B3GLCT: variants seen among roughly 807,000 people sequenced by gnomAD.
B3GLCT encodes the protein beta 3-glucosyltransferase.
B3GLCT carries 65 observed loss-of-function variants against 63.4 expected under a neutral mutation model. The observed-to-expected ratio is 1.03, with a 90% CI of 0.84 to 1.26. The LOEUF is 1.26. Ranked by LOEUF, B3GLCT falls within the 50% of genes most tolerant of loss-of-function variation. The pLI, the probability that B3GLCT is intolerant of heterozygous loss-of-function variation, is 0.00. For missense variants in B3GLCT, 577 were observed against 604.8 expected (o/e 0.95, Z 0.48); for synonymous variants, 233 against 219.2 (o/e 1.06, Z -0.55).
chr13:31,253,126 G>A (rs555587830), intron 6 of B3GLCT, among the ~76,000 whole-genome samples: 4 of 152,098 alleles, frequency 2.6e-5, no homozygotes, highest in South Asian at 2.1e-4. Context: ...GGTAAATAAC[G>A]AAACGAAAGC....
intron 12 of B3GLCT, among the ~76,000 whole-genome samples, chr13:31,292,627 G>A (rs1873726604): frequency 6.6e-6 from 1 of 151,134 alleles, no homozygotes; most frequent in African/African-American, 2.4e-5. Flanking sequence ...TCTGATGGTA[G>A]TTTGTATTTC....
At chr13:31,258,374 T>C (rs1871847719) in intron 6 of B3GLCT, among the ~76,000 whole-genome samples, 1 of 152,206 alleles carries the variant, frequency 6.6e-6, no homozygotes, top group East Asian at 1.9e-4. Flanking sequence ...AACTTCATGT[T>C]GGCATGACCA....
intron 2 of B3GLCT, among the ~76,000 whole-genome samples, chr13:31,222,580 A>G (rs1236123078): frequency 6.6e-6 from 1 of 152,218 alleles, no homozygotes; most frequent in African/African-American, 2.4e-5. Flanking sequence ...CTATCCTCTG[A>G]TATGTTCCTA....
intron 12 of B3GLCT, among the ~76,000 whole-genome samples, chr13:31,316,407 T>TTTTA (rs1239451482): frequency 1.7e-4 from 7 of 40,866 alleles, no homozygotes; most frequent in South Asian, 1.2e-3. Context: ...TTTGGAGGTT[T>TTTTA]TATATATATA....
intron 10 of B3GLCT, among the ~76,000 whole-genome samples, chr13:31,283,871 A>G (rs539608058): frequency 6.6e-6 from 1 of 152,342 alleles, no homozygotes; most frequent in South Asian, 2.1e-4. Context: ...TTCTATTGAA[A>G]AAACAAGAAA....
At chr13:31,320,219 G>T (rs140877128) in intron 13 of B3GLCT, among the ~76,000 whole-genome samples, 3 of 152,310 alleles carry the variant, frequency 2.0e-5, no homozygotes, top group Non-Finnish European at 4.4e-5. Flanking sequence ...TTCTCCAAGA[G>T]TGTGAACCTT....
chr13:31,284,565 G>A lies in B3GLCT; in HGVS notation c.851-83G>A, dbSNP rs570447557. 236 of 801,028 alleles carry A rather than the reference G, an allele frequency of 2.9e-4. No individual in the cohort carries two copies. The African/African-American group carries it at 3.3e-3, about 11-fold the overall frequency. The allele number at this position is 801,028 out of a possible 1,614,324, so 49.6% of individuals were successfully genotyped here. ...CAACCAGTAATGTTTCTCTTCCTTT[G>A]TAGATGATTATACTGCCATTTTGAA... On this transcript the variant is annotated intron_variant, in intron 10 of 14. Transcript: ENST00000343307.
chr13:31,215,142 T>C, intron 2 of B3GLCT, 42 bp downstream of exon 2: 4 of 1,541,742 alleles, frequency 2.6e-6, no homozygotes, highest in Non-Finnish European at 3.6e-6. Flanking sequence ...CCTTCTAAGA[T>C]TCATTTGTAT....
At chr13:31,313,182 G>T (rs1305074919) in intron 12 of B3GLCT, among the ~76,000 whole-genome samples, 1 of 152,168 alleles carries the variant, frequency 6.6e-6, no homozygotes, top group Non-Finnish European at 1.5e-5. Flanking sequence ...ATCTTTTCAT[G>T]TACTTTGTTT....
At chr13:31,326,542 A>G (rs1454019673) in intron 14 of B3GLCT, among the ~76,000 whole-genome samples, 5 of 151,776 alleles carry the variant, frequency 3.3e-5, no homozygotes, top group Non-Finnish European at 2.9e-5. Flanking sequence ...CGGCCTCCCA[A>G]AGTGCTGGGA....
chr13:31,330,345 T>G lies in B3GLCT; in HGVS notation c.*677T>G, dbSNP rs1246588617. On this transcript the variant is annotated 3_prime_UTR_variant, in exon 15 of 15. Transcript: ENST00000343307. Reference sequence around the variant, plus strand: ...TCTTCTGCTAGAGCTTCGTATTGCTTTGGAAGTTCATCTGTGTTTTATTTC... The same window carrying G: ...TCTTCTGCTAGAGCTTCGTATTGCTGTGGAAGTTCATCTGTGTTTTATTTC... 6.6e-6 allele frequency: 1 copy of G among 152,194 alleles called. No individual in the cohort carries two copies. Among genetic ancestry groups the G allele is most frequent in the Non-Finnish European group, 1.5e-5 (1 of 68,056 alleles). 9.4% of individuals were successfully genotyped at this position (152,194 alleles called of 1,614,324 possible). A position where few individuals can be genotyped will look rare whatever the true frequency, so the allele number is the denominator to read the frequency against.
chr13:31,269,645 C>A (rs1924820), intron 8 of B3GLCT, among the ~76,000 whole-genome samples: 104,380 of 150,866 alleles, frequency 0.69, 37,432 homozygotes, highest in Middle Eastern at 0.8. Context: ...ATGTCCCCGC[C>A]CCCCTAATTC....
chr13:31,285,745 A>G (rs771955187), intron 11 of B3GLCT, among the ~76,000 whole-genome samples: 2 of 152,086 alleles, frequency 1.3e-5, no homozygotes, highest in Non-Finnish European at 2.9e-5. Flanking sequence ...CTCTGTAGTT[A>G]CCAATTCTTC....
intron 1 of B3GLCT, among the ~76,000 whole-genome samples, chr13:31,200,748 G>C (rs1391220377): frequency 6.6e-6 from 1 of 152,072 alleles, no homozygotes; most frequent in African/African-American, 2.4e-5. Context: ...TGGCCCCTGA[G>C]GATAAGCGGC....
intron 13 of B3GLCT, among the ~76,000 whole-genome samples, chr13:31,323,533 G>A (rs553702482): frequency 2.0e-4 from 31 of 152,258 alleles, no homozygotes; most frequent in African/African-American, 6.0e-4. Flanking sequence ...ATTTTAAAAC[G>A]AAGAGAAATT....
chr13:31,317,856 T>C (rs1018455271), intron 13 of B3GLCT, among the ~76,000 whole-genome samples, 171 bp downstream of exon 13: 3 of 144,852 alleles, frequency 2.1e-5, no homozygotes, highest in African/African-American at 7.6e-5. Context: ...AAAAGAACAC[T>C]CAGTAAAGAA....
At chr13:31,325,826 A>C (rs1875577092) in intron 14 of B3GLCT, among the ~76,000 whole-genome samples, 1 of 152,198 alleles carries the variant, frequency 6.6e-6, no homozygotes, top group African/African-American at 2.4e-5. Context: ...AAATTTAAGA[A>C]TCCTGATGAG....
chr13:31,330,284 C>G lies in B3GLCT; in HGVS notation c.*616C>G, dbSNP rs1360726837. On this transcript the variant is annotated 3_prime_UTR_variant, in exon 15 of 15. Coordinates refer to ENST00000343307, the MANE Select transcript of B3GLCT (RefSeq NM_194318.4). ...TCATGGTGGTTATGTTTTGTCTATT[C>G]TTTTGCTGTTTGTGCCTCATAAAAA... is the stretch of plus-strand genomic sequence containing the variant. 6.6e-6 allele frequency: 1 copy of G among 152,268 alleles called. No homozygotes were observed. The highest frequency in any genetic ancestry group is 1.5e-5 in the Non-Finnish European group (1 of 68,170). The allele number at this position is 152,268 out of a possible 1,614,324, so 9.4% of individuals were successfully genotyped here. A position where few individuals can be genotyped will look rare whatever the true frequency, so the allele number is the denominator to read the frequency against.
chr13:31,277,277 G>A (rs992718104), intron 10 of B3GLCT, among the ~76,000 whole-genome samples: 4 of 151,994 alleles, frequency 2.6e-5, no homozygotes, highest in South Asian at 2.1e-4. Context: ...AGAAAAAGCC[G>A]CGGTACAAAC....
Sources: allele counts gnomAD v4.1 joint callset (sites outside exome capture counted in the v4.1 genomes callset), GRCh38; gene constraint gnomAD v4.1.1; transcripts MANE v1.5; gene names NCBI Gene and HGNC (gene_info 2026-07-23, HGNC 2026-07-21).